Variants in HS3ST4 observed in about 807,000 individuals in gnomAD.
HS3ST4 encodes the protein heparan sulfate glucosamine 3-O-sulfotransferase 4.
A neutral mutation model predicts 29.2 loss-of-function variants in HS3ST4; 17 were observed. That is an observed-to-expected ratio of 0.58 (90% confidence interval 0.40 to 0.87). The LOEUF (loss-of-function observed/expected upper bound fraction) is 0.87, where lower values mean the gene tolerates loss of function less well. Among genes scored for constraint, HS3ST4 ranks in the 40% least tolerant of loss-of-function variants. The pLI is 0.00. For missense variants in HS3ST4, 627 were observed against 634.5 expected, an observed-to-expected ratio of 0.99 and a Z score of 0.13; for synonymous variants, 314 against 285.7, an observed-to-expected ratio of 1.10 and a Z score of -1.00.
At chr16:26,101,250 G>C (rs1253220412) in intron 1 of HS3ST4, among the ~76,000 whole-genome samples, 1 of 152,138 alleles carries the variant, frequency 6.6e-6, no homozygotes, top group Non-Finnish European at 1.5e-5. Context: ...CTTATACCTG[G>C]AATGCTATTG....
Position 26,004,432 on chromosome 16 carries a change from A to G in HS3ST4, c.735-131180A>G, listed in dbSNP as rs558939765. Among the ~76,000 whole-genome samples, 3 of 152,328 alleles carry G rather than the reference A, an allele frequency of 2.0e-5. No individual in the cohort carries two copies. In the South Asian group the frequency reaches 6.2e-4, roughly 32 times the overall value. Reference sequence around the variant, plus strand: ...TGGTGGAGAGATTTACAAGGTTAAGATCATGTGTCCATCAAAGTGCAATCC... The same window carrying G: ...TGGTGGAGAGATTTACAAGGTTAAGGTCATGTGTCCATCAAAGTGCAATCC... On this transcript the variant is annotated intron_variant, in intron 1 of 1. Transcript: ENST00000331351.
intron 1 of HS3ST4, among the ~76,000 whole-genome samples, chr16:25,751,293 G>C (rs1044209429): frequency 6.6e-6 from 1 of 152,088 alleles, no homozygotes; most frequent in African/African-American, 2.4e-5. Flanking sequence ...GTGTGCTCAT[G>C]TGTGTGTGTA....
chr16:26,012,659 AG>A (rs1156950427), intron 1 of HS3ST4, among the ~76,000 whole-genome samples: 28 of 152,222 alleles, frequency 1.8e-4, no homozygotes, highest in African/African-American at 5.8e-4. Context: ...ATAATTTTGT[AG>A]CTGTCTCTAC....
At chr16:25,715,347 CA>C (rs57882177) in intron 1 of HS3ST4, among the ~76,000 whole-genome samples, 120,394 of 127,862 alleles carry the variant, frequency 0.94, 56,864 homozygotes, top group East Asian at 0.99. Flanking sequence ...AAAAAAAAAC[CA>C]AAAAAAAAAA....
rs985023839 is a variant in HS3ST4, at chr16:25,977,327, C to T, written c.735-158285C>T. 7.2e-5 allele frequency among the ~76,000 whole-genome samples: 11 copies of T among 152,154 alleles called. No individual in the cohort carries two copies. The East Asian group carries it at 2.1e-3, about 29-fold the overall frequency. On this transcript the variant is annotated intron_variant, in intron 1 of 1. Transcript: ENST00000331351. The stretch of plus-strand genomic sequence containing the variant: ...TTGTGTAAATGGGGATAATAGGCCT[C>T]ATATCTCATTCTTCCCACCTTCATT...
rs149202079 is a variant in HS3ST4, at chr16:25,889,085, A to G, written c.734+195934A>G. ...GCTTTATTGGCAGTATTTAACGCAA[A>G]TCTGTTTTCCATCCTTGTCAGATCC... is the stretch of plus-strand genomic sequence containing the variant. On this transcript the variant is annotated intron_variant, in intron 1 of 1. Coordinates refer to ENST00000331351, the MANE Select transcript of HS3ST4 (RefSeq NM_006040.3). 3.5e-4 allele frequency among the ~76,000 whole-genome samples: 53 copies of G among 152,250 alleles called. 1 individual carries two copies. The East Asian group carries it at 0.01, about 29-fold the overall frequency.
chr16:25,890,439 G>A (rs1011826897), intron 1 of HS3ST4, among the ~76,000 whole-genome samples: 6 of 152,180 alleles, frequency 3.9e-5, no homozygotes, highest in Non-Finnish European at 8.8e-5. Flanking sequence ...TCTGGCCAGT[G>A]CATGTCATCT....
intron 1 of HS3ST4, among the ~76,000 whole-genome samples, chr16:26,135,003 T>C (rs1898261008): frequency 6.6e-6 from 1 of 152,182 alleles, no homozygotes; most frequent in Admixed American, 6.5e-5. Context: ...CACAAAATAT[T>C]ATTATTATCT....
Position 25,692,506 on chromosome 16 carries a change from C to T in HS3ST4, c.89C>T (p.Pro30Leu). The T allele has an allele frequency of 1.1e-5, 16 of 1,413,372 alleles. No homozygotes were observed. Among genetic ancestry groups the T allele is most frequent in the African/African-American group, 1.5e-5 (1 of 66,296 alleles). The allele number at this position is 1,413,372 out of a possible 1,614,324, so 87.6% of individuals were successfully genotyped here. A position where few individuals can be genotyped will look rare whatever the true frequency, so the allele number is the denominator to read the frequency against. ...PPPPGASAKGPPARKLLFMCT... is the reference protein window; with the variant it reads ...PPPPGASAKGLPARKLLFMCT... The stretch of plus-strand genomic sequence containing the variant: ...CCGCCCGGCGCCTCTGCTAAGGGGC[C>T]GCCGGCGCGCAAGCTGCTTTTTATG... Residue 30 changes from proline to leucine, a missense_variant, in exon 1 of 2, where the codon CCG (proline) becomes CTG (leucine). Pro to Leu is a moderately conservative substitution (Grantham distance 98). Coordinates refer to ENST00000331351, the MANE Select transcript of HS3ST4 (RefSeq NM_006040.3).
intron 1 of HS3ST4, among the ~76,000 whole-genome samples, chr16:25,724,235 G>T (rs908012645): frequency 6.6e-6 from 1 of 151,916 alleles, no homozygotes; most frequent in South Asian, 2.1e-4. Flanking sequence ...GCAGTGAAAT[G>T]AATACAGAAG....
In HS3ST4 at chr16:26,112,381, C is replaced by CTTTTT. The variant is rs386384539; in HGVS notation, c.735-23216_735-23212dup. On this transcript the variant is annotated intron_variant, in intron 1 of 1. Transcript: ENST00000331351. ...GCTTGAAGCCTTAAAGCCTCTACATCTTTTTTTTTTTTTTTTTTTGAGACG... is the reference window on the plus strand; with the variant it reads ...GCTTGAAGCCTTAAAGCCTCTACATCTTTTTTTTTTTTTTTTTTTTTTTTGAGACG... 5.7e-3 allele frequency among the ~76,000 whole-genome samples: 641 copies of CTTTTT among 111,872 alleles called. 26 individuals carry two copies. Among genetic ancestry groups the CTTTTT allele is most frequent in the South Asian group, 9.6e-3 (28 of 2,914 alleles). The allele number at this position is 111,872 out of a possible 152,430, so 73.4% of individuals were successfully genotyped here. A position where few individuals can be genotyped will look rare whatever the true frequency, so the allele number is the denominator to read the frequency against.
intron 1 of HS3ST4, among the ~76,000 whole-genome samples, chr16:25,951,681 C>A (rs1968684858): frequency 1.3e-5 from 2 of 152,196 alleles, no homozygotes; most frequent in Non-Finnish European, 2.9e-5. Flanking sequence ...AATTCTCTAA[C>A]TTCTTGCTGC....
At position 25,977,404 on chromosome 16, in the gene HS3ST4, C is replaced by T. The variant is rs544868817; in HGVS notation, c.735-158208C>T. 2.6e-5 allele frequency among the ~76,000 whole-genome samples: 4 copies of T among 152,274 alleles called. No homozygotes were observed. The South Asian group carries it at 8.3e-4, about 32-fold the overall frequency. On this transcript the variant is annotated intron_variant, in intron 1 of 1. Transcript: ENST00000331351. ...TTTAGTTCTCTGAGCACATCATGCC[C>T]TCTTTTCCCTCTAAATTCTCATCAC... is the stretch of plus-strand genomic sequence containing the variant.
chr16:25,820,300 A>G (rs2141633122), intron 1 of HS3ST4, among the ~76,000 whole-genome samples: 1 of 152,306 alleles, frequency 6.6e-6, no homozygotes, highest in South Asian at 2.1e-4. Flanking sequence ...CTGAGGTCAA[A>G]TGCCATTTTG....
chr16:25,899,069 C>T (rs1337764011), intron 1 of HS3ST4, among the ~76,000 whole-genome samples: 1 of 152,230 alleles, frequency 6.6e-6, no homozygotes, highest in Non-Finnish European at 1.5e-5. Context: ...GCTCACCTTT[C>T]TTCCTTGATG....
At chr16:25,896,633 A>G (rs1465600530) in intron 1 of HS3ST4, among the ~76,000 whole-genome samples, 1 of 152,182 alleles carries the variant, frequency 6.6e-6, no homozygotes, top group Non-Finnish European at 1.5e-5. Flanking sequence ...CAGCAATCCC[A>G]TTACTGGGCA....
intron 1 of HS3ST4, among the ~76,000 whole-genome samples, chr16:26,051,479 C>T (rs1217228154): frequency 2.0e-5 from 3 of 152,020 alleles, no homozygotes; most frequent in Admixed American, 2.0e-4. Flanking sequence ...TCAGAACAGA[C>T]CCTGAGTGGT....
chr16:25,713,963 C>A (rs533090645), intron 1 of HS3ST4, among the ~76,000 whole-genome samples: 1 of 152,126 alleles, frequency 6.6e-6, no homozygotes, highest in East Asian at 1.9e-4. Flanking sequence ...ATCCCCACCC[C>A]CCAGCCCATC....
intron 1 of HS3ST4, among the ~76,000 whole-genome samples, chr16:25,986,884 C>T (rs1010785371): frequency 1.3e-5 from 2 of 152,184 alleles, no homozygotes; most frequent in African/African-American, 4.8e-5. Flanking sequence ...TTTGCCACTG[C>T]GCTACATCTC....
Sources: gnomAD v4.1 joint callset for allele counts (sites outside exome capture counted in the v4.1 genomes callset) on GRCh38, gnomAD v4.1.1 for gene constraint, MANE v1.5 for transcripts, NCBI Gene and HGNC (gene_info 2026-07-23, HGNC 2026-07-21) for gene names.